The following RASA1 variants were observed in gnomAD, a reference collection of about 807,000 sequenced individuals.
RASA1 encodes the protein RAS p21 protein activator 1, also known as ras GTPase-activating protein 1.
Under a neutral mutation model 132.2 loss-of-function variants are expected in RASA1, and 25 were observed. The observed-to-expected ratio is 0.19, with a 90% CI of 0.14 to 0.26. The LOEUF (loss-of-function observed/expected upper bound fraction) is 0.26, where lower values mean the gene tolerates loss of function less well. Among genes scored for constraint, RASA1 ranks in the 10% least tolerant of loss-of-function variants. The pLI, the probability that RASA1 is intolerant of heterozygous loss-of-function variation, is 1.00. For missense variants in RASA1, 964 were observed against 1,299.2 expected, an observed-to-expected ratio of 0.74 and a Z score of 3.97; for synonymous variants, 477 against 449.9, an observed-to-expected ratio of 1.06 and a Z score of -0.76.
At chr5:87,340,960 G>GT (rs998941203) in intron 5 of RASA1, among the ~76,000 whole-genome samples, 83 of 147,910 alleles carry the variant, frequency 5.6e-4, no homozygotes, top group South Asian at 3.4e-3. Context: ...GTAGAGAGGT[G>GT]TTTTTTTTTT....
Position 87,390,902 on chromosome 5 carries a change from T to G in RASA1, c.*19T>G. On this transcript the variant is annotated 3_prime_UTR_variant, in exon 25 of 25. Transcript: ENST00000274376. ...CAGGTAGCAGCCTTCGCCCCAGTGT[T>G]CTGCATGGATTCAGCATGTCCAACA... 6.3e-7 allele frequency: 1 copy of G among 1,586,782 alleles called. No homozygotes were observed. Among genetic ancestry groups the G allele is most frequent in the East Asian group, 2.2e-5 (1 of 44,658 alleles).
intron 1 of RASA1, among the ~76,000 whole-genome samples, chr5:87,290,766 C>T (rs1754879818): frequency 6.6e-6 from 1 of 152,144 alleles, no homozygotes; most frequent in Non-Finnish European, 1.5e-5. Context: ...ACATTGGCTT[C>T]TTTCACTAAA....
At chr5:87,286,505 G>A (rs1275790383) in intron 1 of RASA1, among the ~76,000 whole-genome samples, 1 of 151,410 alleles carries the variant, frequency 6.6e-6, no homozygotes, top group Non-Finnish European at 1.5e-5. Context: ...AAAAAAAACT[G>A]CAAAGGTTTA....
At chr5:87,333,469 G>A (rs1248127424) in intron 4 of RASA1, 132 bp downstream of exon 4, 1 of 1,380,330 alleles carries the variant, frequency 7.2e-7, no homozygotes, top group African/African-American at 1.5e-5. Context: ...TTTTGATATT[G>A]GGTCTGTTGG....
intron 8 of RASA1, among the ~76,000 whole-genome samples, chr5:87,352,381 A>G (rs1185013294): frequency 6.6e-6 from 1 of 151,660 alleles, no homozygotes. Context: ...AGTGTTTCCT[A>G]GGTGGCTCAA....
chr5:87,384,188 C>G (rs1248233568), intron 21 of RASA1, among the ~76,000 whole-genome samples: 1 of 152,102 alleles, frequency 6.6e-6, no homozygotes, highest in Non-Finnish European at 1.5e-5. Context: ...GAATAGTATT[C>G]TGTGAGTACT....
intron 21 of RASA1, 138 bp from the exon 22 acceptor site, chr5:87,385,163 C>T (rs995428097): frequency 3.9e-5 from 26 of 673,140 alleles, no homozygotes; most frequent in South Asian, 6.9e-5. Flanking sequence ...AACATTTTTC[C>T]AAAAACATTC....
chr5:87,366,293 A>G (rs998838818), intron 11 of RASA1: 15 of 343,080 alleles, frequency 4.4e-5, no homozygotes, highest in Non-Finnish European at 6.1e-5. Flanking sequence ...GAATATTGCA[A>G]TATCTGTAAG....
intron 1 of RASA1, among the ~76,000 whole-genome samples, chr5:87,324,766 AGTTGGTCTAAGGGGTACTAC>A (rs1417679728): frequency 1.3e-5 from 2 of 152,118 alleles, no homozygotes; most frequent in African/African-American, 2.4e-5. Flanking sequence ...AGTGATGTGT[AGTTGGTCTAAGGGGTACTAC>A]AGCTGTTTTG....
intron 1 of RASA1, among the ~76,000 whole-genome samples, chr5:87,274,214 T>A (rs555897442): frequency 1.3e-5 from 2 of 152,196 alleles, no homozygotes; most frequent in Non-Finnish European, 2.9e-5. Context: ...CTGGCCTGGA[T>A]CTTATGCTGA....
intron 15 of RASA1, among the ~76,000 whole-genome samples, chr5:87,375,263 T>C (rs1225872171): frequency 6.7e-6 from 1 of 149,362 alleles, no homozygotes; most frequent in African/African-American, 2.5e-5. Context: ...TTTTTCCTGC[T>C]TTTTTTTTTC....
intron 24 of RASA1, 130 bp downstream of exon 24, chr5:87,389,657 C>T: frequency 8.3e-7 from 1 of 1,210,176 alleles, no homozygotes; most frequent in Non-Finnish European, 1.2e-6. Flanking sequence ...CATCATATTA[C>T]AAAAGATCTC....
intron 1 of RASA1, among the ~76,000 whole-genome samples, chr5:87,299,243 T>C (rs1183569377): frequency 6.6e-6 from 1 of 152,204 alleles, no homozygotes; most frequent in Non-Finnish European, 1.5e-5. Context: ...TTGAGAAACA[T>C]AGTAATAGCA....
intron 7 of RASA1, among the ~76,000 whole-genome samples, chr5:87,348,441 C>G (rs1410984208): frequency 2.0e-5 from 3 of 151,898 alleles, no homozygotes; most frequent in Non-Finnish European, 1.5e-5. Flanking sequence ...TCAAAGATAT[C>G]AGAAATACTT....
intron 11 of RASA1, among the ~76,000 whole-genome samples, chr5:87,364,657 T>C (rs1327169271): frequency 6.6e-6 from 1 of 152,100 alleles, no homozygotes; most frequent in African/African-American, 2.4e-5. Context: ...GATTCAGGCC[T>C]CTGTCTTTTC....
chr5:87,332,452 T>A, intron 2 of RASA1, 55 bp from the exon 3 acceptor site: 2 of 1,523,880 alleles, frequency 1.3e-6, no homozygotes, highest in Non-Finnish European at 1.8e-6. Flanking sequence ...AAAACTTGAT[T>A]TTTAAAATTG....
At chr5:87,272,750 G>A (rs16902606) in intron 1 of RASA1, among the ~76,000 whole-genome samples, 4,857 of 152,054 alleles carry the variant, frequency 0.032, 162 homozygotes, top group African/African-American at 0.074. Context: ...AGCCTACCAC[G>A]ATTAATTATA....
chr5:87,379,703 A>G, intron 18 of RASA1, 32 bp from the exon 19 acceptor site: 12 of 1,607,152 alleles, frequency 7.5e-6, no homozygotes, highest in Non-Finnish European at 1.0e-5. Flanking sequence ...CATTGCCAAC[A>G]TGCATTTATA....
chr5:87,318,822 T>A (rs1291195497), intron 1 of RASA1: 1 of 152,156 alleles, frequency 6.6e-6, no homozygotes. Flanking sequence ...TCCCCCAAAG[T>A]CTTAACTCCT....
Sources: allele counts gnomAD v4.1 joint callset (sites outside exome capture counted in the v4.1 genomes callset), GRCh38; gene constraint gnomAD v4.1.1; transcripts MANE v1.5; gene names NCBI Gene and HGNC (gene_info 2026-07-23, HGNC 2026-07-21).